Variants in FAM124A observed in about 807,000 individuals in gnomAD.
FAM124A encodes protein FAM124A.
FAM124A carries 23 observed loss-of-function variants against 24.5 expected under a neutral mutation model. That is an observed-to-expected ratio of 0.94 (90% CI 0.68 to 1.33). FAM124A has a LOEUF of 1.33. Ranked by LOEUF, FAM124A falls within the 40% of genes most tolerant of loss-of-function variation. The probability of loss-of-function intolerance (pLI) is 0.00; values close to 1 mark genes in which losing one functional copy is unlikely to be tolerated. For missense variants in FAM124A, 623 were observed against 722.8 expected (o/e 0.86, Z 1.58); for synonymous variants, 287 against 314.7 (o/e 0.91, Z 0.93).
intron 3 of FAM124A, among the ~76,000 whole-genome samples, chr13:51,271,846 G>A (rs895262949): frequency 6.6e-6 from 1 of 152,168 alleles, no homozygotes; most frequent in African/African-American, 2.4e-5. Flanking sequence ...CCCAGCTGCA[G>A]TCTGGGCAGT....
At position 51,273,655 on chromosome 13, in the gene FAM124A, A is replaced by G. The variant is rs1045605554; in HGVS notation, c.835-6795A>G. 2.0e-5 allele frequency among the ~76,000 whole-genome samples: 3 copies of G among 152,240 alleles called. No homozygotes were observed. The East Asian group carries it at 5.8e-4, about 29-fold the overall frequency. On this transcript the variant is annotated intron_variant, in intron 3 of 3. Coordinates refer to ENST00000322475, the MANE Select transcript of FAM124A (RefSeq NM_001242312.2). Reference sequence around the variant, plus strand: ...TCCCACAAGCTAGCATTATACCCTCAGTGCAATAGAAAATTACATTGGAGA... The same window carrying G: ...TCCCACAAGCTAGCATTATACCCTCGGTGCAATAGAAAATTACATTGGAGA...
rs1954290501 is a variant in FAM124A, at chr13:51,224,048, A to G, written c.68+1479A>G. ...TGGACCCAGGGGGTGACATCGCCCCAGGATCTGGACATCAGCATGACAGCG... is the reference window on the plus strand; with the variant it reads ...TGGACCCAGGGGGTGACATCGCCCCGGGATCTGGACATCAGCATGACAGCG... On this transcript the variant is annotated intron_variant, in intron 1 of 3. Coordinates refer to ENST00000322475, the MANE Select transcript of FAM124A (RefSeq NM_001242312.2). Among the ~76,000 whole-genome samples the G allele has an allele frequency of 2.0e-5, 3 of 152,224 alleles. No individual in the cohort carries two copies. The South Asian group carries it at 6.2e-4, about 31-fold the overall frequency.
chr13:51,241,189 A>T (rs1954489573), intron 2 of FAM124A, among the ~76,000 whole-genome samples: 1 of 152,242 alleles, frequency 6.6e-6, no homozygotes, highest in African/African-American at 2.4e-5. Context: ...ATCTGCTGCC[A>T]TCCTCCCTGA....
chr13:51,254,677 C>A (rs1954658021), intron 3 of FAM124A, among the ~76,000 whole-genome samples: 1 of 152,028 alleles, frequency 6.6e-6, no homozygotes, highest in East Asian at 1.9e-4. Flanking sequence ...TCCTGGTGAC[C>A]CCTGGAAGAA....
chr13:51,261,646 C>T (rs1954739712), intron 3 of FAM124A, among the ~76,000 whole-genome samples: 1 of 152,210 alleles, frequency 6.6e-6, no homozygotes, highest in African/African-American at 2.4e-5. Flanking sequence ...GAACAGCTTT[C>T]CCTCTTGCCC....
chr13:51,238,001 T>C (rs1954454005), intron 2 of FAM124A, among the ~76,000 whole-genome samples: 1 of 152,226 alleles, frequency 6.6e-6, no homozygotes, highest in Admixed American at 6.5e-5. Context: ...AGGCCTCCTC[T>C]TAGGGCTGGG....
intron 3 of FAM124A, among the ~76,000 whole-genome samples, chr13:51,269,337 T>C (rs577834015): frequency 1.3e-5 from 2 of 152,380 alleles, no homozygotes; most frequent in East Asian, 3.9e-4. Flanking sequence ...TTTAAGAATT[T>C]GTTGTGTTTT....
In FAM124A at chr13:51,251,527, G is replaced by A. The variant is rs563257264; in HGVS notation, c.160G>A (p.Asp54Asn). Residue 54 changes from aspartate to asparagine, a missense_variant, in exon 3 of 4, where the codon GAC becomes AAC. By Grantham distance (23) the Asp-to-Asn change is conservative. Coordinates refer to ENST00000322475, the MANE Select transcript of FAM124A (RefSeq NM_001242312.2). The surrounding 1 kb of genome is among the most constrained non-coding windows in gnomAD (Gnocchi z 5.3). Reference protein sequence around the residue: ...PFLVSIHIIADPGESQPLQEA... With the variant: ...PFLVSIHIIANPGESQPLQEA... The stretch of plus-strand genomic sequence containing the variant: ...CCTGGTCAGCATCCACATAATCGCA[G>A]ACCCAGGGGAGTCCCAGCCCCTGCA... 5.9e-6 allele frequency: 9 copies of A among 1,514,248 alleles called. No individual in the cohort carries two copies. Among genetic ancestry groups the A allele is most frequent in the Non-Finnish European group, 6.2e-6 (7 of 1,130,824 alleles). The allele number at this position is 1,514,248 out of a possible 1,614,324, so 93.8% of individuals were successfully genotyped here.
chr13:51,244,948 C>T (rs1049702268), intron 2 of FAM124A, among the ~76,000 whole-genome samples: 1 of 152,164 alleles, frequency 6.6e-6, no homozygotes, highest in Non-Finnish European at 1.5e-5. Flanking sequence ...CGCGATGATT[C>T]CAAGTGAAGT....
rs551226550 is a variant in FAM124A at position 51,252,337 on chromosome 13, G to A, written c.834+136G>A. On this transcript the variant is annotated intron_variant, in intron 3 of 3. Coordinates refer to ENST00000322475, the MANE Select transcript of FAM124A (RefSeq NM_001242312.2). ...GTGACCCTCTGCCCAGCTCCTAGTC[G>A]AAGTCAAAGTGGCCATACAGGATCC... 4.7e-6 allele frequency: 6 copies of A among 1,270,336 alleles called. No homozygotes were observed. The South Asian group carries it at 6.3e-5, about 13-fold the overall frequency. The allele number at this position is 1,270,336 out of a possible 1,614,324, so 78.7% of individuals were successfully genotyped here.
intron 3 of FAM124A, among the ~76,000 whole-genome samples, chr13:51,278,299 C>T (rs1204973657): frequency 6.6e-6 from 1 of 152,210 alleles, no homozygotes; most frequent in Non-Finnish European, 1.5e-5. Context: ...TAACTCCCTC[C>T]CAGCCTCTAG....
rs1368004852 is a variant in FAM124A at position 51,272,098 on chromosome 13, A to G, written c.835-8352A>G. ...AAGCAAGAATAGTGATAAGTATCTC[A>G]CACTTAAAGTTCAGAGAAGCTCTAG... On this transcript the variant is annotated intron_variant, in intron 3 of 3. Coordinates refer to ENST00000322475, the MANE Select transcript of FAM124A (RefSeq NM_001242312.2). The surrounding 1 kb of genome is among the most constrained non-coding windows in gnomAD (Gnocchi z 4.2). 6.6e-6 allele frequency among the ~76,000 whole-genome samples: 1 copy of G among 152,222 alleles called. No homozygotes were observed. The highest frequency in any genetic ancestry group is 1.5e-5 in the Non-Finnish European group (1 of 68,046).
rs139391072 is a variant in FAM124A at position 51,232,562 on chromosome 13, A to G, written c.100+1183A>G. Among the ~76,000 whole-genome samples the G allele has an allele frequency of 6.5e-3, 985 of 152,346 alleles. 38 individuals are homozygous for G. Among genetic ancestry groups the G allele is most frequent in the Admixed American group, 0.061 (931 of 15,296 alleles). The stretch of plus-strand genomic sequence containing the variant: ...TGTCAAATTATATTTCATTATTAGT[A>G]TAACTGCAATGAGCAATTTCTGGTC... On this transcript the variant is annotated intron_variant, in intron 2 of 3. Transcript: ENST00000322475.
chr13:51,235,226 A>G (rs1177494792), intron 2 of FAM124A, among the ~76,000 whole-genome samples: 1 of 152,206 alleles, frequency 6.6e-6, no homozygotes, highest in Non-Finnish European at 1.5e-5. Flanking sequence ...ATAAATCATA[A>G]TACTTGCTAT....
At chr13:51,253,207 T>G (rs1354369849) in intron 3 of FAM124A, 1 of 152,238 alleles carries the variant, frequency 6.6e-6, no homozygotes, top group Non-Finnish European at 1.5e-5. Context: ...AGATTGTGGT[T>G]ACTTGAATCA....
At chr13:51,269,661 AG>A (rs1954821145) in intron 3 of FAM124A, among the ~76,000 whole-genome samples, 1 of 152,250 alleles carries the variant, frequency 6.6e-6, no homozygotes, top group African/African-American at 2.4e-5. Context: ...TAAGCTACAA[AG>A]CCCTTTTAAA....
chr13:51,279,783 A>G (rs1428148262), intron 3 of FAM124A, among the ~76,000 whole-genome samples: 2 of 152,202 alleles, frequency 1.3e-5, no homozygotes, highest in East Asian at 3.9e-4. Flanking sequence ...TCCTGTACAC[A>G]GTTCCTGAAA....
intron 3 of FAM124A, among the ~76,000 whole-genome samples, chr13:51,268,723 C>T (rs1954812687): frequency 6.6e-6 from 1 of 151,886 alleles, no homozygotes; most frequent in East Asian, 1.9e-4. Flanking sequence ...TGTGGATCAC[C>T]AAGTTATGAG....
intron 3 of FAM124A, among the ~76,000 whole-genome samples, chr13:51,271,206 C>T (rs562676665): frequency 2.0e-5 from 3 of 152,288 alleles, no homozygotes; most frequent in Non-Finnish European, 4.4e-5. Flanking sequence ...ACAGAACGCT[C>T]CTGTGTGCTG....
Sources: allele counts gnomAD v4.1 joint callset (sites outside exome capture counted in the v4.1 genomes callset), GRCh38; gene constraint gnomAD v4.1.1; non-coding constraint Gnocchi (gnomAD v3.1); transcripts MANE v1.5; gene names NCBI Gene and HGNC (gene_info 2026-07-23, HGNC 2026-07-21).